INPP5K: variants seen among roughly 807,000 people sequenced by gnomAD.
INPP5K encodes inositol polyphosphate-5-phosphatase K, also known as inositol polyphosphate 5-phosphatase K.
INPP5K carries 35 observed loss-of-function variants against 53.5 expected under a neutral mutation model. The ratio of observed to expected loss-of-function variants is 0.65; its 90% confidence interval spans 0.50 to 0.87. INPP5K has a LOEUF of 0.87. Among genes scored for constraint, INPP5K ranks in the 40% least tolerant of loss-of-function variants. The pLI, the probability that INPP5K is intolerant of heterozygous loss-of-function variation, is 0.00. For synonymous variants in INPP5K, 253 were observed against 232.8 expected (o/e 1.09, Z -0.79); for missense variants, 550 against 586.2 (o/e 0.94, Z 0.64).
intron 3 of INPP5K, among the ~76,000 whole-genome samples, chr17:1,512,275 C>A (rs2075326945): frequency 1.3e-5 from 2 of 152,170 alleles, no homozygotes; most frequent in Admixed American, 6.5e-5. Flanking sequence ...AGGAGGCCTG[C>A]AGTCTTGGGA....
In INPP5K at chr17:1,494,593, AATT is replaced by A. The variant is rs2074777931; in HGVS notation, c.*1227_*1229del. 2 of 152,122 alleles carry A rather than the reference AATT, an allele frequency of 1.3e-5. No individual in the cohort carries two copies. Among genetic ancestry groups the A allele is most frequent in the South Asian group, 4.1e-4 (2 of 4,830 alleles). 9.4% of individuals were successfully genotyped at this position (152,122 alleles called of 1,614,324 possible). A position where few individuals can be genotyped will look rare whatever the true frequency, so the allele number is the denominator to read the frequency against. ...ACGCAAGTGTAAAAGCCACGCTAATAATTACCCCTGCACAATGTAACAGTCACA... is the reference window on the plus strand; with the variant it reads ...ACGCAAGTGTAAAAGCCACGCTAATAACCCCTGCACAATGTAACAGTCACA... On this transcript the variant is annotated 3_prime_UTR_variant, in exon 12 of 12. Coordinates refer to ENST00000421807, the MANE Select transcript of INPP5K (RefSeq NM_016532.4).
chr17:1,498,120 T>C lies in INPP5K; in HGVS notation c.779A>G (p.Glu260Gly), dbSNP rs1422560564. The C allele has an allele frequency of 6.3e-7, 1 of 1,598,748 alleles. No homozygotes were observed. Among genetic ancestry groups the C allele is most frequent in the Admixed American group, 1.7e-5 (1 of 59,274 alleles). ...GGTCCATGCAGGCTTGCGTTTTTTCTCACTGCAGGGGCAGGGGGCATAAAG... is the reference window on the plus strand; with the variant it reads ...GGTCCATGCAGGCTTGCGTTTTTTCCCACTGCAGGGGCAGGGGGCATAAAG... ...DRNSNDYDTS[E>G]KKRKPAWTDR... The change falls in exon 8 of 12, where the codon GAG becomes GGG. Residue 260 changes from glutamate (E) to glycine (G), a missense_variant and splice_region_variant. By Grantham distance (98) the Glu-to-Gly change is moderately conservative (BLOSUM62 -2). Coordinates refer to ENST00000421807, the MANE Select transcript of INPP5K (RefSeq NM_016532.4).
At chr17:1,507,551 T>C (rs2075189261) in intron 6 of INPP5K, 1 of 159,206 alleles carries the variant, frequency 6.3e-6, no homozygotes, top group Non-Finnish European at 1.4e-5. Flanking sequence ...CTTCTTTTTT[T>C]TTTTTTGAGA....
intron 1 of INPP5K, chr17:1,515,446 G>C (rs538979776): frequency 1.0e-6 from 1 of 985,548 alleles, no homozygotes; most frequent in Admixed American, 6.1e-5. Context: ...TAGTGGAACA[G>C]TCAGTCACAG....
At chr17:1,505,618 G>C (rs2075135386) in intron 7 of INPP5K, among the ~76,000 whole-genome samples, 1 of 151,964 alleles carries the variant, frequency 6.6e-6, no homozygotes, top group Non-Finnish European at 1.5e-5. Flanking sequence ...CCACACTGCT[G>C]AATCGGCTCA....
chr17:1,509,277 G>A lies in INPP5K; in HGVS notation c.455C>T (p.Pro152Leu). 6.2e-7 allele frequency: 1 copy of A among 1,614,136 alleles called. No individual in the cohort carries two copies. The highest frequency in any genetic ancestry group is 2.2e-5 in the East Asian group (1 of 44,886). Residue 152 changes from proline to leucine, a missense_variant, in exon 5 of 12, where the codon CCC becomes CTC. Coordinates refer to ENST00000421807, the MANE Select transcript of INPP5K (RefSeq NM_016532.4). ...YVSIINCHLPPHISNNYQRLE... is the reference protein window; with the variant it reads ...YVSIINCHLPLHISNNYQRLE... ...CCGCTGGTAATTGTTGGAAATGTGG[G>A]GAGGCAGGTGGCAGTTGATGATGCT...
chr17:1,513,685 C>G, intron 2 of INPP5K, 124 bp from the exon 3 acceptor site: 1 of 951,808 alleles, frequency 1.1e-6, no homozygotes, highest in South Asian at 1.4e-5. Flanking sequence ...GTCTCCCTCC[C>G]CTGCCTGCTG....
At chr17:1,498,166 A>C in intron 7 of INPP5K, 44 bp from the exon 8 acceptor site, 5 of 1,525,880 alleles carry the variant, frequency 3.3e-6, no homozygotes, top group Non-Finnish European at 4.4e-6. Flanking sequence ...GGGAAAGAAG[A>C]AAGGGTTGGC....
intron 8 of INPP5K, 69 bp downstream of exon 8, chr17:1,497,867 A>C: frequency 7.2e-7 from 1 of 1,381,592 alleles, no homozygotes; most frequent in East Asian, 2.3e-5. Flanking sequence ...GAATCCAGGG[A>C]TGGAGGGCTT....
chr17:1,497,878 G>A, intron 8 of INPP5K, 58 bp downstream of exon 8: 3 of 1,448,552 alleles, frequency 2.1e-6, no homozygotes, highest in Non-Finnish European at 2.9e-6. Flanking sequence ...TGGAGGGCTT[G>A]GGGATGTGGC....
In INPP5K at chr17:1,495,679, T is replaced by C. The variant is rs1443522807; in HGVS notation, c.*144A>G. ...AGTGGAGAGAGCAAATGAGCCTGGT[T>C]AGAGCTCACTCTGGGAGGAGTATGT... On this transcript the variant is annotated 3_prime_UTR_variant, in exon 12 of 12. Coordinates refer to ENST00000421807, the MANE Select transcript of INPP5K (RefSeq NM_016532.4). 2 of 632,582 alleles carry C rather than the reference T, an allele frequency of 3.2e-6. No individual in the cohort carries two copies. The highest frequency in any genetic ancestry group is 5.7e-6 in the Non-Finnish European group (2 of 353,938). 39.2% of individuals were successfully genotyped at this position (632,582 alleles called of 1,614,324 possible).
intron 3 of INPP5K, among the ~76,000 whole-genome samples, chr17:1,511,755 TAA>T (rs1484313431): frequency 6.6e-6 from 1 of 151,122 alleles, no homozygotes; most frequent in Non-Finnish European, 1.5e-5. Context: ...AGGGGACTGA[TAA>T]AGACTCAGGA....
chr17:1,515,884 TCACTCTAAGAGGATGGAGAGCA>T, intron 1 of INPP5K: 1 of 982,482 alleles, frequency 1.0e-6, no homozygotes, highest in Non-Finnish European at 1.2e-6. Context: ...TTTCCCAGAC[TCACTCTAAGAGGATGGAGAGCA>T]AAAGTCCGGA....
At chr17:1,512,786 A>G (rs1412776774) in intron 3 of INPP5K, among the ~76,000 whole-genome samples, 2 of 152,012 alleles carry the variant, frequency 1.3e-5, no homozygotes, top group East Asian at 3.9e-4. Flanking sequence ...TAACCTCTGG[A>G]CCCCCAGAAT....
At chr17:1,508,289 G>C in intron 5 of INPP5K, 63 bp from the exon 6 acceptor site, 2 of 1,339,892 alleles carry the variant, frequency 1.5e-6, no homozygotes, top group South Asian at 2.3e-5. Flanking sequence ...GAGATCACCA[G>C]GTGGCTCAGC....
intron 7 of INPP5K, among the ~76,000 whole-genome samples, chr17:1,502,273 C>T (rs929282121): frequency 5.3e-5 from 8 of 152,104 alleles, no homozygotes; most frequent in South Asian, 2.1e-4. Flanking sequence ...GGCGTGAACC[C>T]GGGAGACAGA....
chr17:1,503,185 CTT>C (rs748921781), intron 7 of INPP5K, among the ~76,000 whole-genome samples: 13,283 of 135,418 alleles, frequency 0.098, 682 homozygotes, highest in East Asian at 0.14. Context: ...CACGCCTGGC[CTT>C]TTTTTTTTTT....
chr17:1,496,706 T>A lies in INPP5K; in HGVS notation c.1061A>T (p.Asp354Val). ...DMMVSYSSTS[D>V]FPSSPWDWIG... Reference sequence around the variant, plus strand: ...CCAGTCCCACGGGCTGCTGGGGAAGTCCGAGGTTGAAGAGTAGCTGACCAT... The same window carrying A: ...CCAGTCCCACGGGCTGCTGGGGAAGACCGAGGTTGAAGAGTAGCTGACCAT... The change falls in exon 9 of 12, where the codon GAC (aspartate) becomes GTC (valine). Residue 354 changes from aspartate (D) to valine (V), a missense_variant. Coordinates refer to ENST00000421807, the MANE Select transcript of INPP5K (RefSeq NM_016532.4). 1 of 1,614,138 alleles carries A rather than the reference T, an allele frequency of 6.2e-7. No individual in the cohort carries two copies. Among genetic ancestry groups the A allele is most frequent in the Non-Finnish European group, 8.5e-7 (1 of 1,180,028 alleles).
chr17:1,500,320 G>A (rs1051269251), intron 7 of INPP5K, among the ~76,000 whole-genome samples: 3 of 151,908 alleles, frequency 2.0e-5, no homozygotes, highest in Non-Finnish European at 2.9e-5. Flanking sequence ...TCACCAGGGA[G>A]AGGCCTTTGC....
Sources: allele counts gnomAD v4.1 joint callset (sites outside exome capture counted in the v4.1 genomes callset), GRCh38; gene constraint gnomAD v4.1.1; transcripts MANE v1.5; gene names NCBI Gene and HGNC (gene_info 2026-07-23, HGNC 2026-07-21).